CELF2: variants seen among roughly 807,000 people sequenced by gnomAD.
The protein encoded by CELF2 is CUG triplet repeat RNA-binding protein 2.
A neutral mutation model predicts 62.6 loss-of-function variants in CELF2; 8 were observed. The ratio of observed to expected loss-of-function variants is 0.13; its 90% confidence interval spans 0.07 to 0.23. CELF2 has a LOEUF of 0.23. CELF2 is among the 10% of genes least tolerant of loss of function. The probability of loss-of-function intolerance (pLI) is 1.00; values close to 1 mark genes in which losing one functional copy is unlikely to be tolerated. For synonymous variants in CELF2, 258 were observed against 250.0 expected (o/e 1.03, Z -0.30); for missense variants, 333 against 671.0 (o/e 0.50, Z 5.56).
At chr10:10,557,523 T>C in the CELF2 span, among the ~76,000 whole-genome samples, 1 of 146,358 alleles carries the variant, frequency 6.8e-6, no homozygotes. Context: ...GCGAGCTCTT[T>C]TTTGGTTCCA....
At chr10:11,197,026 A>AGGAAGGAAGGAAGGAAGGAAGG (rs1554936340) in intron 2 of CELF2, among the ~76,000 whole-genome samples, 96 of 1,614 alleles carry the variant, frequency 0.059, 15 homozygotes, top group South Asian at 0.17. Flanking sequence ...GAAAGAAAGA[A>AGGAAGGAAGGAAGGAAGGAAGG]AAGAAAGAAA....
chr10:10,669,962 G>C, the CELF2 span, among the ~76,000 whole-genome samples: 2 of 142,336 alleles, frequency 1.4e-5, no homozygotes, highest in South Asian at 2.2e-4. Flanking sequence ...GAGTGCAATG[G>C]TGCAATCTTG....
the CELF2 span, among the ~76,000 whole-genome samples, chr10:10,489,500 A>G: frequency 6.6e-6 from 1 of 152,088 alleles, no homozygotes; most frequent in Non-Finnish European, 1.5e-5. Context: ...GTGTTATTTA[A>G]TCATTTCAAT....
chr10:10,747,092 T>A, the CELF2 span, among the ~76,000 whole-genome samples: 1 of 152,236 alleles, frequency 6.6e-6, no homozygotes, highest in Non-Finnish European at 1.5e-5. Context: ...AAGGATAGGA[T>A]TCTCTTGCGG....
intron 2 of CELF2, among the ~76,000 whole-genome samples, chr10:10,927,910 A>G (rs2065693861): frequency 2.0e-5 from 3 of 152,112 alleles, no homozygotes. Context: ...TTTTTTTCAT[A>G]AAATCATGTA....
chr10:10,954,905 AT>A (rs1471527193), intron 2 of CELF2, among the ~76,000 whole-genome samples: 186 of 152,358 alleles, frequency 1.2e-3, no homozygotes, highest in African/African-American at 4.0e-3. Flanking sequence ...GGAGAAAAAA[AT>A]AATATGCTCA....
At chr10:10,698,551 C>G in the CELF2 span, among the ~76,000 whole-genome samples, 1 of 152,206 alleles carries the variant, frequency 6.6e-6, no homozygotes, top group Non-Finnish European at 1.5e-5. Flanking sequence ...TCCATCCAAA[C>G]CACGGATCAC....
the CELF2 span, among the ~76,000 whole-genome samples, chr10:10,652,306 T>C: frequency 2.3e-5 from 3 of 127,924 alleles, no homozygotes; most frequent in East Asian, 4.2e-4. Flanking sequence ...CTGCAGGATA[T>C]TATCCAGGAG....
chr10:10,864,983 G>C (rs1409811679), intron 1 of CELF2, among the ~76,000 whole-genome samples: 1 of 152,164 alleles, frequency 6.6e-6, no homozygotes, highest in Non-Finnish European at 1.5e-5. Context: ...TCAAAATCTT[G>C]TGGTGTGGTG....
intron 12 of CELF2, 50 bp downstream of exon 12, chr10:11,326,029 G>T: frequency 6.5e-7 from 1 of 1,541,652 alleles, no homozygotes; most frequent in South Asian, 1.2e-5. Context: ...CCCAAGTGAA[G>T]AGTCGTGGGA....
intron 9 of CELF2, among the ~76,000 whole-genome samples, chr10:11,303,948 A>G (rs1023363274): frequency 6.6e-6 from 1 of 152,234 alleles, no homozygotes; most frequent in African/African-American, 2.4e-5. Flanking sequence ...TGCTTTTGGC[A>G]ATGAGCAGCA....
At chr10:10,760,410 G>A in the CELF2 span, among the ~76,000 whole-genome samples, 3 of 152,236 alleles carry the variant, frequency 2.0e-5, no homozygotes, top group Non-Finnish European at 4.4e-5. Flanking sequence ...GTTGTAGCAA[G>A]AGCCAGCCAT....
intron 1 of CELF2, among the ~76,000 whole-genome samples, chr10:11,055,599 A>T (rs188768374): frequency 6.6e-6 from 1 of 152,218 alleles, no homozygotes; most frequent in Admixed American, 6.5e-5. Flanking sequence ...GGTTTTTAAG[A>T]TTCGTTCTAA....
chr10:10,514,785 T>C, the CELF2 span, among the ~76,000 whole-genome samples: 1 of 152,184 alleles, frequency 6.6e-6, no homozygotes, highest in African/African-American at 2.4e-5. Context: ...AGAAAATGAA[T>C]AGCCAGAGAT....
intron 1 of CELF2, among the ~76,000 whole-genome samples, chr10:10,908,288 T>C (rs1030427064): frequency 9.4e-5 from 12 of 127,270 alleles, no homozygotes; most frequent in African/African-American, 3.6e-4. Flanking sequence ...GGCACAATCT[T>C]GGCTCACTGC....
the CELF2 span, among the ~76,000 whole-genome samples, chr10:10,748,549 C>A: frequency 3.3e-5 from 5 of 151,678 alleles, no homozygotes; most frequent in Non-Finnish European, 7.4e-5. Flanking sequence ...GAGATCGAGA[C>A]CATCCTGGCT....
At chr10:10,606,945 C>G in the CELF2 span, among the ~76,000 whole-genome samples, 2 of 152,096 alleles carry the variant, frequency 1.3e-5, no homozygotes, top group Non-Finnish European at 2.9e-5. Context: ...TAAGGTTACC[C>G]TCACCTCATT....
chr10:11,188,000 T>G (rs931235899), intron 2 of CELF2, among the ~76,000 whole-genome samples: 1 of 152,216 alleles, frequency 6.6e-6, no homozygotes, highest in Non-Finnish European at 1.5e-5. Context: ...AGGACTTCTT[T>G]TAATATTTCT....
chr10:10,809,171 TTC>T (rs374259472), intron 1 of CELF2, among the ~76,000 whole-genome samples: 7 of 151,296 alleles, frequency 4.6e-5, no homozygotes, highest in Non-Finnish European at 7.4e-5. Flanking sequence ...TGCATACTCT[TTC>T]TCTCTCTCTC....
Sources: gnomAD v4.1 joint callset for allele counts (sites outside exome capture counted in the v4.1 genomes callset) on GRCh38, gnomAD v4.1.1 for gene constraint, MANE v1.5 for transcripts, NCBI Gene and HGNC (gene_info 2026-07-23, HGNC 2026-07-21) for gene names.